Variants in VPS45 observed in about 807,000 individuals in gnomAD.
VPS45 encodes the protein vacuolar protein sorting-associated protein 45.
Under a neutral mutation model 75.9 loss-of-function variants are expected in VPS45, and 35 were observed. The ratio of observed to expected loss-of-function variants is 0.46; its 90% confidence interval spans 0.35 to 0.61. The LOEUF is 0.61. Among genes scored for constraint, VPS45 ranks in the 20% least tolerant of loss-of-function variants. The probability of loss-of-function intolerance (pLI) is 0.00; values close to 1 mark genes in which losing one functional copy is unlikely to be tolerated. For synonymous variants in VPS45, 220 were observed against 238.2 expected (o/e 0.92, Z 0.70); for missense variants, 559 against 685.9 (o/e 0.81, Z 2.07).
At chr1:150,137,599 G>A (rs983676050) in intron 14 of VPS45, among the ~76,000 whole-genome samples, 1 of 152,042 alleles carries the variant, frequency 6.6e-6, no homozygotes, top group African/African-American at 2.4e-5. Flanking sequence ...CCCACCTGTT[G>A]TATTATTCAT....
chr1:150,141,010 A>G (rs6587750), intron 14 of VPS45, among the ~76,000 whole-genome samples: 2,378 of 152,334 alleles, frequency 0.016, 61 homozygotes, highest in African/African-American at 0.055. Context: ...AAAGCAAAGA[A>G]GTATGAAACA....
chr1:150,110,572 A>C lies in VPS45; in HGVS notation c.1570A>C (p.Thr524Pro). The C allele has an allele frequency of 1.2e-6, 2 of 1,613,874 alleles. No homozygotes were observed. Residue 524 changes from threonine to proline, a missense_variant, in exon 14 of 15, where the codon ACC becomes CCC. By Grantham distance (38) the Thr-to-Pro change is conservative (BLOSUM62 -1). Transcript: ENST00000644510. ...EALTVYNLNR[T>P]TPGVRIVLGG... ...TCTAACAGTTTATAACCTGAACCGC[A>C]CCACTCCTGGAGTGAGGATTGTCCT...
chr1:150,104,021 A>G (rs1415465377), intron 13 of VPS45, among the ~76,000 whole-genome samples: 2 of 152,170 alleles, frequency 1.3e-5, no homozygotes, highest in African/African-American at 4.8e-5. Context: ...GCAAATATAT[A>G]TATTACTTTC....
chr1:150,115,602 G>A (rs1238359048), intron 14 of VPS45, among the ~76,000 whole-genome samples: 11 of 152,102 alleles, frequency 7.2e-5, no homozygotes, highest in African/African-American at 1.4e-4. Flanking sequence ...TATAGCACCC[G>A]TGAGGAGCTG....
At chr1:150,129,900 G>A (rs780835470) in intron 14 of VPS45, among the ~76,000 whole-genome samples, 24 of 148,550 alleles carry the variant, frequency 1.6e-4, no homozygotes, top group Admixed American at 3.4e-4. Flanking sequence ...CACCCAGGCT[G>A]GAATGCAGTG....
At chr1:150,102,992 C>T (rs1294092269) in intron 13 of VPS45, among the ~76,000 whole-genome samples, 1 of 151,982 alleles carries the variant, frequency 6.6e-6, no homozygotes, top group Admixed American at 6.6e-5. Flanking sequence ...AACAAACCTT[C>T]ACATGTACCC....
intron 13 of VPS45, chr1:150,098,900 A>G: frequency 7.9e-7 from 1 of 1,266,182 alleles, no homozygotes; most frequent in Non-Finnish European, 1.0e-6. Context: ...TTTGGTGAGG[A>G]AATGGAGCTA....
At chr1:150,072,297 TATC>T (rs1361593800) in intron 3 of VPS45, 71 bp downstream of exon 3, 1 of 1,028,440 alleles carries the variant, frequency 9.7e-7, no homozygotes, top group Non-Finnish European at 1.5e-6. Context: ...GAGCCCTTCA[TATC>T]ATCAATAACT....
intron 14 of VPS45, among the ~76,000 whole-genome samples, chr1:150,122,563 G>A (rs1286654043): frequency 1.3e-5 from 2 of 152,084 alleles, no homozygotes; most frequent in East Asian, 3.9e-4. Context: ...GAGTTAGAGA[G>A]CACTTTTGGG....
At chr1:150,099,244 C>T (rs1453222644) in intron 13 of VPS45, among the ~76,000 whole-genome samples, 1 of 152,012 alleles carries the variant, frequency 6.6e-6, no homozygotes, top group Admixed American at 6.5e-5. Context: ...TGCTTGTAAT[C>T]CCAGCACTTT....
intron 14 of VPS45, among the ~76,000 whole-genome samples, chr1:150,140,451 TC>T (rs1659339002): frequency 1.3e-5 from 2 of 150,892 alleles, no homozygotes; most frequent in African/African-American, 4.9e-5. Flanking sequence ...ATGGTTTCTG[TC>T]CATTAGAGCA....
intron 2 of VPS45, among the ~76,000 whole-genome samples, chr1:150,070,161 A>G (rs1464014237): frequency 6.6e-6 from 1 of 152,128 alleles, no homozygotes; most frequent in Non-Finnish European, 1.5e-5. Flanking sequence ...TGCATTTACA[A>G]CACCATCTTT....
At chr1:150,097,850 TG>T (rs1207122183) in intron 13 of VPS45, among the ~76,000 whole-genome samples, 1 of 152,048 alleles carries the variant, frequency 6.6e-6, no homozygotes, top group Non-Finnish European at 1.5e-5. Flanking sequence ...TAACTCTTTT[TG>T]TTTGTTTGTT....
intron 2 of VPS45, among the ~76,000 whole-genome samples, chr1:150,069,294 T>TGTA (rs1275105100): frequency 6.6e-6 from 1 of 152,120 alleles, no homozygotes; most frequent in Non-Finnish European, 1.5e-5. Context: ...GCTAGGCTAC[T>TGTA]GTTGGAATGA....
In VPS45 at chr1:150,085,603, A is replaced by T. The variant is rs139600494; in HGVS notation, c.1104+2720A>T. 1.1e-3 allele frequency among the ~76,000 whole-genome samples: 166 copies of T among 152,158 alleles called. 2 individuals are homozygous for T. Among genetic ancestry groups the T allele is most frequent in the Non-Finnish European group, 4.4e-4 (30 of 67,954 alleles). On this transcript the variant is annotated intron_variant, in intron 10 of 14. Transcript: ENST00000644510. ...GGATCTTTTGTTTGATAGTAAGTGG[A>T]TGTCAGGGGCCTGACTTCTAGAGGG... is the stretch of plus-strand genomic sequence containing the variant.
chr1:150,084,424 T>A (rs72692901), intron 10 of VPS45, among the ~76,000 whole-genome samples: 23,760 of 152,080 alleles, frequency 0.16, 2,037 homozygotes, highest in African/African-American at 0.19. Context: ...AGCAAGGGGC[T>A]GAACTGAAAA....
chr1:150,096,484 G>A (rs1190161806), intron 13 of VPS45, among the ~76,000 whole-genome samples: 1 of 152,174 alleles, frequency 6.6e-6, no homozygotes, highest in East Asian at 1.9e-4. Context: ...GGATGTGGGT[G>A]GTTGTAGTGG....
intron 2 of VPS45, among the ~76,000 whole-genome samples, chr1:150,069,134 A>G (rs1386160711): frequency 6.6e-6 from 1 of 152,100 alleles, no homozygotes; most frequent in Non-Finnish European, 1.5e-5. Context: ...CTTTATTCAC[A>G]TTTATGCTCA....
At chr1:150,099,704 G>C (rs1553803800) in intron 13 of VPS45, among the ~76,000 whole-genome samples, 2 of 151,658 alleles carry the variant, frequency 1.3e-5, no homozygotes, top group South Asian at 2.1e-4. Context: ...GTGGTGTTGG[G>C]TGGCTGTAGT....
Sources: allele counts gnomAD v4.1 joint callset (sites outside exome capture counted in the v4.1 genomes callset), GRCh38; gene constraint gnomAD v4.1.1; transcripts MANE v1.5; gene names NCBI Gene and HGNC (gene_info 2026-07-23, HGNC 2026-07-21).